RNF146: variants seen among roughly 807,000 people sequenced by gnomAD.
The protein encoded by RNF146 is ring finger protein 146, also known as E3 ubiquitin-protein ligase RNF146.
In RNF146, 11 loss-of-function variants were observed where a neutral mutation model predicts 29.7. The observed-to-expected ratio is 0.37, with a 90% confidence interval of 0.23 to 0.61. The LOEUF (loss-of-function observed/expected upper bound fraction) is 0.61, where lower values mean the gene tolerates loss of function less well. Ranked by LOEUF, RNF146 falls within the 20% of genes least tolerant of loss-of-function variation. The probability of loss-of-function intolerance (pLI) is 0.66; values close to 1 mark genes in which losing one functional copy is unlikely to be tolerated. For synonymous variants in RNF146, 150 were observed against 159.7 expected, an observed-to-expected ratio of 0.94 and a Z score of 0.46; for missense variants, 342 against 438.9, an observed-to-expected ratio of 0.78 and a Z score of 1.97.
In RNF146 at chr6:127,288,133, G is replaced by A. The variant is rs1287859650; in HGVS notation, c.*440G>A. ...GGAAACATAATTTAATGTATGAATA[G>A]ATGTGAATTTGGGATTTCAAAATAG... On this transcript the variant is annotated 3_prime_UTR_variant, in exon 3 of 3. Coordinates refer to ENST00000368314, the MANE Select transcript of RNF146 (RefSeq NM_001242850.2). The A allele has an allele frequency of 6.0e-6, 1 of 166,920 alleles. No homozygotes were observed. Among genetic ancestry groups the A allele is most frequent in the East Asian group, 1.9e-4 (1 of 5,180 alleles). 10.3% of individuals were successfully genotyped at this position (166,920 alleles called of 1,614,324 possible). A position where few individuals can be genotyped will look rare whatever the true frequency, so the allele number is the denominator to read the frequency against.
chr6:127,269,585 CA>C (rs1217197268), intron 1 of RNF146, among the ~76,000 whole-genome samples: 1 of 152,184 alleles, frequency 6.6e-6, no homozygotes, highest in Admixed American at 6.5e-5. Context: ...TTTAAAGTAT[CA>C]GACCCCATTT....
At chr6:127,268,427 T>C (rs967487376) in intron 1 of RNF146, among the ~76,000 whole-genome samples, 1 of 152,190 alleles carries the variant, frequency 6.6e-6, no homozygotes, top group Non-Finnish European at 1.5e-5. Flanking sequence ...TTAGCAAATA[T>C]TGTTTGTATA....
chr6:127,281,970 A>G (rs190737407), intron 2 of RNF146, among the ~76,000 whole-genome samples: 185 of 151,828 alleles, frequency 1.2e-3, no homozygotes, highest in African/African-American at 4.2e-3. Context: ...GTGTTAGTAT[A>G]TCGATAAACT....
chr6:127,286,168 T>C lies in RNF146; in HGVS notation c.3-448T>C, dbSNP rs913317861. ...ATTTTTACCTGAGCTTTGTAAACTC[T>C]GATTTGCAGGTAAGGAAATTTAGAC... is the stretch of plus-strand genomic sequence containing the variant. On this transcript the variant is annotated intron_variant, in intron 2 of 2. Transcript: ENST00000368314. The surrounding 1 kb of genome is among the most constrained non-coding windows in gnomAD (Gnocchi z 4.6). 4.0e-5 allele frequency: 49 copies of C among 1,230,852 alleles called. No homozygotes were observed. The highest frequency in any genetic ancestry group is 4.7e-5 in the Non-Finnish European group (46 of 987,448). The allele number at this position is 1,230,852 out of a possible 1,614,324, so 76.2% of individuals were successfully genotyped here.
At position 127,277,220 on chromosome 6, in the gene RNF146, A is replaced by G. The variant is rs113440409; in HGVS notation, c.-108-3011A>G. On this transcript the variant is annotated intron_variant, in intron 1 of 2. Coordinates refer to ENST00000368314, the MANE Select transcript of RNF146 (RefSeq NM_001242850.2). The stretch of plus-strand genomic sequence containing the variant: ...TTGAAAGAAAAAGTAATGATGTTGG[A>G]GCAGTAAATTGTCTCCTCCTGTCCT... Among the ~76,000 whole-genome samples, 17 of 152,082 alleles carry G rather than the reference A, an allele frequency of 1.1e-4. 1 individual carries two copies. Among genetic ancestry groups the G allele is most frequent in the African/African-American group, 4.1e-4 (17 of 41,500 alleles).
chr6:127,278,843 C>T (rs913948478), intron 1 of RNF146, among the ~76,000 whole-genome samples: 2 of 151,920 alleles, frequency 1.3e-5, no homozygotes, highest in African/African-American at 2.4e-5. Flanking sequence ...TTGTAGCCTC[C>T]TTATAGATGT....
chr6:127,274,694 T>G (rs1777952642), intron 1 of RNF146, among the ~76,000 whole-genome samples: 1 of 152,120 alleles, frequency 6.6e-6, no homozygotes, highest in Non-Finnish European at 1.5e-5. Flanking sequence ...TTAAAAGACT[T>G]GTAAGATAGC....
At chr6:127,282,298 A>G (rs1041877737) in intron 2 of RNF146, 2 of 151,648 alleles carry the variant, frequency 1.3e-5, no homozygotes, top group Admixed American at 6.6e-5. Flanking sequence ...TATTGGAGTA[A>G]TTCAAGATTC....
rs1259246753 is a variant in RNF146, at chr6:127,280,644, T to C, written c.2+304T>C. On this transcript the variant is annotated intron_variant, in intron 2 of 2. Transcript: ENST00000368314. Reference sequence around the variant, plus strand: ...ACCTTCTTTTTACATAATAATTTTCTTAAATAACTAAGCTAGGCAAGTAGT... The same window carrying C: ...ACCTTCTTTTTACATAATAATTTTCCTAAATAACTAAGCTAGGCAAGTAGT... 7.9e-6 allele frequency: 7 copies of C among 881,872 alleles called. No homozygotes were observed. The East Asian group carries it at 4.3e-4, about 54-fold the overall frequency. 54.6% of individuals were successfully genotyped at this position (881,872 alleles called of 1,614,324 possible).
At chr6:127,267,394 T>G (rs193090591) in intron 1 of RNF146, among the ~76,000 whole-genome samples, 2 of 152,168 alleles carry the variant, frequency 1.3e-5, no homozygotes, top group African/African-American at 4.8e-5. Flanking sequence ...TGGGCCGTGG[T>G]TTTAGGCCTT....
At chr6:127,267,544 G>C (rs1344026152) in intron 1 of RNF146, among the ~76,000 whole-genome samples, 1 of 152,102 alleles carries the variant, frequency 6.6e-6, no homozygotes, top group Non-Finnish European at 1.5e-5. Flanking sequence ...CTGCATTTTT[G>C]CCTTTTCCCG....
chr6:127,270,896 A>G (rs1582858994), intron 1 of RNF146, among the ~76,000 whole-genome samples: 2 of 151,496 alleles, frequency 1.3e-5, no homozygotes, highest in South Asian at 2.1e-4. Flanking sequence ...GCTCACTGCA[A>G]CCTCCACCTC....
chr6:127,286,548 A>C lies in RNF146; in HGVS notation c.3-68A>C, dbSNP rs1779539220. On this transcript the variant is annotated intron_variant, in intron 2 of 2. Coordinates refer to ENST00000368314, the MANE Select transcript of RNF146 (RefSeq NM_001242850.2). This position sits in a 1 kb window ranked among gnomAD's most constrained non-coding sequence, Gnocchi z 4.6. ...CACATCATAGGTGGTTAGTGTTTTC[A>C]TAATTGTTAAATTAAGATATTGCAA... 5.1e-6 allele frequency: 7 copies of C among 1,378,102 alleles called. No homozygotes were observed. The Admixed American group carries it at 1.5e-4, about 29-fold the overall frequency. The allele number at this position is 1,378,102 out of a possible 1,614,324, so 85.4% of individuals were successfully genotyped here.
Position 127,277,094 on chromosome 6 carries a change from G to T in RNF146, c.-108-3137G>T, listed in dbSNP as rs182136695. Among the ~76,000 whole-genome samples the T allele has an allele frequency of 5.7e-3, 870 of 152,212 alleles. 4 individuals are homozygous for T. The highest frequency in any genetic ancestry group is 8.0e-3 in the Non-Finnish European group (542 of 67,978). ...TAGTCATGTCAGGAGTTAGGATGAA[G>T]AGGATGATCAGTAGTGAAAAGATGA... is the stretch of plus-strand genomic sequence containing the variant. On this transcript the variant is annotated intron_variant, in intron 1 of 2. Transcript: ENST00000368314.
chr6:127,285,177 T>TA, intron 2 of RNF146: 1 of 984,684 alleles, frequency 1.0e-6, no homozygotes, highest in Non-Finnish European at 1.2e-6. Context: ...GCCATCTTTT[T>TA]AAAAACTTAC....
chr6:127,267,886 T>C (rs1186292746), intron 1 of RNF146, among the ~76,000 whole-genome samples: 1 of 152,214 alleles, frequency 6.6e-6, no homozygotes, highest in Non-Finnish European at 1.5e-5. Context: ...TTTATTTTGC[T>C]AAGGCTTCTA....
rs10669927 is a variant in RNF146 at position 127,285,529 on chromosome 6, C to CTTT, written c.3-1072_3-1070dup. ...ATTATTTTCTCCCCTTTTAAAATGTCTTTTTTTTTTTTTTTTTACCATGGG... is the reference window on the plus strand; with the variant it reads ...ATTATTTTCTCCCCTTTTAAAATGTCTTTTTTTTTTTTTTTTTTTTACCATGGG... On this transcript the variant is annotated intron_variant, in intron 2 of 2. Transcript: ENST00000368314. Among the ~76,000 whole-genome samples the CTTT allele has an allele frequency of 6.9e-3, 902 of 130,002 alleles. 37 individuals carry two copies. The highest frequency in any genetic ancestry group is 0.02 in the African/African-American group (719 of 35,220). 85.3% of individuals were successfully genotyped at this position (130,002 alleles called of 152,430 possible).
chr6:127,269,283 A>G (rs1417027376), intron 1 of RNF146, among the ~76,000 whole-genome samples: 1 of 152,248 alleles, frequency 6.6e-6, no homozygotes, highest in African/African-American at 2.4e-5. Context: ...ACAGAATTAT[A>G]GAGTAGGATG....
At chr6:127,285,361 G>A (rs1779371987) in intron 2 of RNF146, 1 of 984,208 alleles carries the variant, frequency 1.0e-6, no homozygotes, top group African/African-American at 1.7e-5. Flanking sequence ...AAGCATTCTT[G>A]TTGACTATAT....
Sources: gnomAD v4.1 joint callset for allele counts (sites outside exome capture counted in the v4.1 genomes callset) on GRCh38, gnomAD v4.1.1 for gene constraint, Gnocchi (gnomAD v3.1) non-coding constraint, MANE v1.5 for transcripts, NCBI Gene and HGNC (gene_info 2026-07-23, HGNC 2026-07-21) for gene names.